The following LCMT1 variants were observed in gnomAD, a reference collection of about 807,000 sequenced individuals.
LCMT1 encodes the protein leucine carboxyl methyltransferase 1.
LCMT1 carries 32 observed loss-of-function variants against 47.7 expected under a neutral mutation model. That is an observed-to-expected ratio of 0.67 (90% CI 0.51 to 0.90). The LOEUF (loss-of-function observed/expected upper bound fraction) is 0.90. LCMT1 is among the 40% of genes least tolerant of loss of function. The pLI is 0.00. For missense variants in LCMT1, 375 were observed against 415.2 expected (o/e 0.90, Z 0.84); for synonymous variants, 152 against 149.7 (o/e 1.02, Z -0.11).
chr16:25,128,696 C>A, intron 2 of LCMT1, 130 bp downstream of exon 2: 1 of 670,886 alleles, frequency 1.5e-6, no homozygotes. Context: ...CCCAGATCTT[C>A]ACCAACACGG....
intron 10 of LCMT1, among the ~76,000 whole-genome samples, chr16:25,175,715 GC>G (rs781518830): frequency 1.3e-5 from 2 of 152,150 alleles, no homozygotes; most frequent in African/African-American, 4.8e-5. Flanking sequence ...ACAGGCATGA[GC>G]CACTGTGCCT....
chr16:25,151,474 C>T (rs760103575), intron 4 of LCMT1, 80 bp from the exon 5 acceptor site: 11 of 1,188,026 alleles, frequency 9.3e-6, no homozygotes, highest in Non-Finnish European at 1.2e-5. Flanking sequence ...TGAGTGTCTG[C>T]ATTTGTGCAG....
chr16:25,155,391 A>G (rs935277178), intron 5 of LCMT1, among the ~76,000 whole-genome samples: 2 of 152,068 alleles, frequency 1.3e-5, no homozygotes, highest in Non-Finnish European at 2.9e-5. Context: ...AAAACATAAA[A>G]AAAAAACTAG....
chr16:25,112,686 A>G (rs1339530584), intron 1 of LCMT1, among the ~76,000 whole-genome samples: 1 of 152,194 alleles, frequency 6.6e-6, no homozygotes, highest in Admixed American at 6.5e-5. Flanking sequence ...CACCAAGAAC[A>G]AGACAGACAT....
chr16:25,168,156 C>G (rs1961644083), intron 7 of LCMT1, among the ~76,000 whole-genome samples: 1 of 152,110 alleles, frequency 6.6e-6, no homozygotes, highest in Admixed American at 6.5e-5. Flanking sequence ...TCAAGTGATT[C>G]TCCCGCCTCA....
intron 2 of LCMT1, among the ~76,000 whole-genome samples, chr16:25,129,301 GAAAAAA>G (rs199746649): frequency 7.2e-6 from 1 of 138,298 alleles, no homozygotes. Flanking sequence ...GAGTAAAAAA[GAAAAAA>G]AAAAGAACAC....
intron 1 of LCMT1, among the ~76,000 whole-genome samples, chr16:25,114,178 C>T (rs1018508533): frequency 6.6e-6 from 1 of 152,216 alleles, no homozygotes; most frequent in Non-Finnish European, 1.5e-5. Context: ...AAAAGCCAGT[C>T]AGCCTTCTGG....
intron 3 of LCMT1, among the ~76,000 whole-genome samples, chr16:25,137,762 A>G (rs541625681): frequency 7.2e-5 from 11 of 152,294 alleles, no homozygotes; most frequent in African/African-American, 2.6e-4. Context: ...TGTTTTAAAA[A>G]GATAAATCCC....
At chr16:25,171,149 T>C (rs1961754441) in intron 9 of LCMT1, among the ~76,000 whole-genome samples, 1 of 143,932 alleles carries the variant, frequency 6.9e-6, no homozygotes, top group South Asian at 2.3e-4. Flanking sequence ...GCCGGGAGAA[T>C]CACTTAAACC....
chr16:25,154,751 G>A (rs1335711242), intron 5 of LCMT1, among the ~76,000 whole-genome samples: 2 of 151,972 alleles, frequency 1.3e-5, no homozygotes, highest in Non-Finnish European at 1.5e-5. Flanking sequence ...GCCTCCCAAA[G>A]TGCGGGATTA....
intron 1 of LCMT1, among the ~76,000 whole-genome samples, chr16:25,127,089 C>T (rs900806562): frequency 6.6e-6 from 1 of 152,186 alleles, no homozygotes; most frequent in African/African-American, 2.4e-5. Context: ...GTAGGCTGGG[C>T]ACGGTGACTC....
chr16:25,111,880 GC>G lies in LCMT1; in HGVS notation c.-1del, dbSNP rs1260905501. 6.2e-7 allele frequency: 1 copy of G among 1,604,840 alleles called. No individual in the cohort carries two copies. Among genetic ancestry groups the G allele is most frequent in the Non-Finnish European group, 8.5e-7 (1 of 1,172,884 alleles). On this transcript the variant is annotated 5_prime_UTR_variant, in exon 1 of 11. Transcript: ENST00000399069. The stretch of plus-strand genomic sequence containing the variant: ...GGACACAGCTCCCAGGAACCTCCAC[GC>G]CCATGGCCACTAGGCAGAGGGAATC...
chr16:25,151,969 G>A (rs1256571761), intron 5 of LCMT1, among the ~76,000 whole-genome samples: 1 of 152,138 alleles, frequency 6.6e-6, no homozygotes, highest in Non-Finnish European at 1.5e-5. Flanking sequence ...GAATATTTAT[G>A]AAGGGCGAAC....
At chr16:25,117,526 T>G (rs1348821826) in intron 1 of LCMT1, among the ~76,000 whole-genome samples, 1 of 152,126 alleles carries the variant, frequency 6.6e-6, no homozygotes. Context: ...ATTCCCAACC[T>G]GAAACTCAGT....
Position 25,174,940 on chromosome 16 carries a change from A to G in LCMT1, c.888A>G (p.Ile296Met). ...TCTATTTTAATTCTTTCCACAGGATAGAATCACTTGAATTCCTGGATGAAA... is the reference window on the plus strand; with the variant it reads ...TCTATTTTAATTCTTTCCACAGGATGGAATCACTTGAATTCCTGGATGAAA... ...NRLPRAEVSR[I>M]ESLEFLDEME... Residue 296 changes from isoleucine (I) to methionine (M), a missense_variant, in exon 10 of 11, where the codon ATA (isoleucine) becomes ATG (methionine). Physicochemically the swap from Ile to Met is conservative, Grantham distance 10 (BLOSUM62 1). Coordinates refer to ENST00000399069, the MANE Select transcript of LCMT1 (RefSeq NM_016309.3). 6.3e-7 allele frequency: 1 copy of G among 1,579,638 alleles called. No individual in the cohort carries two copies. The highest frequency in any genetic ancestry group is 8.7e-7 in the Non-Finnish European group (1 of 1,151,516).
chr16:25,165,357 T>A (rs1331603998), intron 7 of LCMT1, among the ~76,000 whole-genome samples: 1 of 152,198 alleles, frequency 6.6e-6, no homozygotes, highest in Non-Finnish European at 1.5e-5. Context: ...TGGAATAGCT[T>A]GGGTTGAATC....
chr16:25,170,840 T>C lies in LCMT1; in HGVS notation c.884+35T>C, dbSNP rs759690755. 22 of 1,393,554 alleles carry C rather than the reference T, an allele frequency of 1.6e-5. No homozygotes were observed. In the African/African-American group the frequency reaches 3.0e-4, roughly 19 times the overall value. The allele number at this position is 1,393,554 out of a possible 1,614,324, so 86.3% of individuals were successfully genotyped here. On this transcript the variant is annotated intron_variant, in intron 9 of 10. Transcript: ENST00000399069. The stretch of plus-strand genomic sequence containing the variant: ...TGGTGAGCGTCAGCTTGATGGGCAT[T>C]CATTGTGAACTCAAGGCATGATTGC...
intron 5 of LCMT1, among the ~76,000 whole-genome samples, chr16:25,155,965 C>T (rs968373201): frequency 9.9e-5 from 15 of 152,160 alleles, no homozygotes; most frequent in African/African-American, 3.6e-4. Flanking sequence ...AGGGCGTGAG[C>T]CCCCGCACCT....
chr16:25,161,047 A>G (rs1378323418), intron 5 of LCMT1, 55 bp from the exon 6 acceptor site: 5 of 1,082,690 alleles, frequency 4.6e-6, no homozygotes, highest in Admixed American at 2.3e-5. Flanking sequence ...TAAGGCTACT[A>G]TAACTTTGGA....
Sources: gnomAD v4.1 joint callset for allele counts (sites outside exome capture counted in the v4.1 genomes callset) on GRCh38, gnomAD v4.1.1 for gene constraint, MANE v1.5 for transcripts, NCBI Gene and HGNC (gene_info 2026-07-23, HGNC 2026-07-21) for gene names.